The following SMIM14 variants were observed in gnomAD, a reference collection of about 807,000 sequenced individuals.
SMIM14 encodes chromosome 4 open reading frame 34.
Under a neutral mutation model 12.6 loss-of-function variants are expected in SMIM14, and 5 were observed. That is an observed-to-expected ratio of 0.40 (90% CI 0.21 to 0.83). The LOEUF (loss-of-function observed/expected upper bound fraction) is 0.83, where lower values mean the gene tolerates loss of function less well. SMIM14 is among the 40% of genes least tolerant of loss of function. The pLI is 0.37. For synonymous variants in SMIM14, 30 were observed against 40.1 expected (o/e 0.75, Z 0.95); for missense variants, 86 against 119.1 (o/e 0.72, Z 1.29).
rs117760176 is a variant in SMIM14, at chr4:39,587,202, A to C, written c.76-14739T>G. On this transcript the variant is annotated intron_variant, in intron 2 of 4. Transcript: ENST00000295958. ...TATATACATACGTATATGCATATTA[A>C]ATTTCTAGAAGGAGCCAGGCACGGT... Among the ~76,000 whole-genome samples the C allele has an allele frequency of 5.2e-4, 79 of 152,112 alleles. 1 individual carries two copies. The East Asian group carries it at 0.012, about 24-fold the overall frequency.
At chr4:39,636,173 CAAAAAAAAAAAAA>C (rs749292775) in intron 1 of SMIM14, among the ~76,000 whole-genome samples, 10 of 76,350 alleles carry the variant, frequency 1.3e-4, no homozygotes, top group African/African-American at 3.8e-4. Flanking sequence ...CTCCATCTCC[CAAAAAAAAAAAAA>C]AAAAAAAAAA....
At position 39,597,106 on chromosome 4, in the gene SMIM14, T is replaced by TA. The variant is rs1486549072; in HGVS notation, c.75+7964dup. ...TTCCCTTTTTTTTTTTTTTTTTTTTTAGCCTACTTCTTCTATCATTCTAAG... is the reference window on the plus strand; with the variant it reads ...TTCCCTTTTTTTTTTTTTTTTTTTTTAAGCCTACTTCTTCTATCATTCTAAG... On this transcript the variant is annotated intron_variant, in intron 2 of 4. Coordinates refer to ENST00000295958, the MANE Select transcript of SMIM14 (RefSeq NM_174921.3). Among the ~76,000 whole-genome samples, 19 of 136,454 alleles carry TA rather than the reference T, an allele frequency of 1.4e-4. No homozygotes were observed. The East Asian group carries it at 3.1e-3, about 23-fold the overall frequency. The allele number at this position is 136,454 out of a possible 152,430, so 89.5% of individuals were successfully genotyped here. A position where few individuals can be genotyped will look rare whatever the true frequency, so the allele number is the denominator to read the frequency against.
intron 4 of SMIM14, among the ~76,000 whole-genome samples, chr4:39,556,024 A>C (rs1711992032): frequency 1.3e-5 from 2 of 152,162 alleles, no homozygotes; most frequent in Admixed American, 1.3e-4. Flanking sequence ...AATACAAAAA[A>C]CTAGCCAGGT....
At chr4:39,577,661 C>G (rs1430689252) in intron 2 of SMIM14, among the ~76,000 whole-genome samples, 1 of 152,130 alleles carries the variant, frequency 6.6e-6, no homozygotes, top group Non-Finnish European at 1.5e-5. Flanking sequence ...CTCGTGACCT[C>G]AAGTGATCCT....
At chr4:39,606,905 AAT>A (rs1714834160) in intron 1 of SMIM14, among the ~76,000 whole-genome samples, 1 of 152,246 alleles carries the variant, frequency 6.6e-6, no homozygotes, top group Non-Finnish European at 1.5e-5. Context: ...AGATAAAAAC[AAT>A]AGTGTCCGAA....
chr4:39,572,305 T>TTTTAAA, intron 3 of SMIM14, 110 bp downstream of exon 3: 2 of 189,704 alleles, frequency 1.1e-5, no homozygotes, highest in Non-Finnish European at 2.1e-5. Flanking sequence ...TTTTTTTTGG[T>TTTTAAA]AACCACTAGA....
At chr4:39,606,821 G>A (rs757779544) in intron 1 of SMIM14, among the ~76,000 whole-genome samples, 2 of 152,098 alleles carry the variant, frequency 1.3e-5, no homozygotes, top group African/African-American at 4.8e-5. Context: ...CTAAGTTGGG[G>A]AGAAGAAACT....
intron 2 of SMIM14, among the ~76,000 whole-genome samples, chr4:39,582,877 C>A (rs1288670618): frequency 6.6e-6 from 1 of 151,946 alleles, no homozygotes; most frequent in Non-Finnish European, 1.5e-5. Context: ...TCACCACAAC[C>A]TCCGCCTCCC....
chr4:39,577,790 T>C (rs1578326974), intron 2 of SMIM14, among the ~76,000 whole-genome samples: 1 of 152,106 alleles, frequency 6.6e-6, no homozygotes, highest in South Asian at 2.1e-4. Flanking sequence ...CAATCAAGAA[T>C]GAAAGAAATT....
chr4:39,609,474 T>G (rs1156815970), intron 1 of SMIM14, among the ~76,000 whole-genome samples: 2 of 152,094 alleles, frequency 1.3e-5, no homozygotes, highest in East Asian at 1.9e-4. Flanking sequence ...GAGGTAGAAG[T>G]AGAAGGTGTG....
chr4:39,557,699 T>TCC (rs1398310202), intron 3 of SMIM14, among the ~76,000 whole-genome samples: 6 of 152,166 alleles, frequency 3.9e-5, no homozygotes, highest in Non-Finnish European at 7.4e-5. Flanking sequence ...CAATTTTGTA[T>TCC]ATAATTGTGG....
intron 2 of SMIM14, among the ~76,000 whole-genome samples, chr4:39,577,120 C>T (rs1426583367): frequency 6.6e-6 from 1 of 152,002 alleles, no homozygotes; most frequent in African/African-American, 2.4e-5. Flanking sequence ...GAGGCCAAGG[C>T]AGGTGAACAT....
intron 2 of SMIM14, among the ~76,000 whole-genome samples, chr4:39,586,724 T>C (rs1472221621): frequency 6.6e-6 from 1 of 152,116 alleles, no homozygotes; most frequent in African/African-American, 2.4e-5. Context: ...TACCCGTTTT[T>C]AGGTATTTGT....
intron 2 of SMIM14, among the ~76,000 whole-genome samples, chr4:39,577,121 A>G (rs953725050): frequency 3.3e-5 from 5 of 152,066 alleles, no homozygotes; most frequent in Non-Finnish European, 7.4e-5. Context: ...AGGCCAAGGC[A>G]GGTGAACATG....
intron 1 of SMIM14, among the ~76,000 whole-genome samples, chr4:39,613,488 C>G (rs927645896): frequency 1.3e-5 from 2 of 152,108 alleles, no homozygotes; most frequent in Non-Finnish European, 2.9e-5. Context: ...GAACACAGTT[C>G]TCTTTTGGTG....
At chr4:39,621,686 CTT>C (rs57206633) in intron 1 of SMIM14, among the ~76,000 whole-genome samples, 22,098 of 105,376 alleles carry the variant, frequency 0.21, 2,408 homozygotes, top group African/African-American at 0.4. Context: ...CCAAACGTTT[CTT>C]TTTTTTTTTT....
At chr4:39,576,628 T>C (rs1415480403) in intron 2 of SMIM14, among the ~76,000 whole-genome samples, 1 of 137,710 alleles carries the variant, frequency 7.3e-6, no homozygotes, top group Non-Finnish European at 1.5e-5. Context: ...CCTACCAATG[T>C]ATATAACTTA....
At chr4:39,556,293 C>G in intron 4 of SMIM14, 135 bp downstream of exon 4, 1 of 731,556 alleles carries the variant, frequency 1.4e-6, no homozygotes, top group East Asian at 2.8e-5. Context: ...TTTAATAGAA[C>G]TACATAGGTA....
chr4:39,566,698 G>A (rs1712590472), intron 3 of SMIM14, among the ~76,000 whole-genome samples: 1 of 152,052 alleles, frequency 6.6e-6, no homozygotes, highest in Non-Finnish European at 1.5e-5. Flanking sequence ...GCCAGGCGTG[G>A]TGGCTCACGC....
Sources: gnomAD v4.1 joint callset for allele counts (sites outside exome capture counted in the v4.1 genomes callset) on GRCh38, gnomAD v4.1.1 for gene constraint, MANE v1.5 for transcripts, NCBI Gene and HGNC (gene_info 2026-07-23, HGNC 2026-07-21) for gene names.